Variants in MTAP observed in about 807,000 individuals in gnomAD.
MTAP encodes the protein S-methyl-5'-thioadenosine phosphorylase.
In MTAP, 33 loss-of-function variants were observed where a neutral mutation model predicts 33.6. The observed-to-expected ratio is 0.98, with a 90% confidence interval of 0.74 to 1.31. The LOEUF is 1.31. MTAP is among the 40% of genes most tolerant of loss of function. The pLI is 0.00. For synonymous variants in MTAP, 148 were observed against 125.7 expected (o/e 1.18, Z -1.19); for missense variants, 367 against 360.0 (o/e 1.02, Z -0.16).
At chr9:21,836,543 T>G (rs948490982) in intron 4 of MTAP, among the ~76,000 whole-genome samples, 7 of 152,144 alleles carry the variant, frequency 4.6e-5, no homozygotes, top group African/African-American at 1.7e-4. Flanking sequence ...TGCTAATGCT[T>G]GACTCATCAA....
chr9:21,916,751 G>T (rs950247255), intron 1 of MTAP, among the ~76,000 whole-genome samples: 7 of 152,120 alleles, frequency 4.6e-5, no homozygotes, highest in African/African-American at 1.7e-4. Context: ...TAGAAAAGAA[G>T]AACCTACATC....
chr9:21,848,203 C>G (rs572585899), intron 5 of MTAP, among the ~76,000 whole-genome samples: 1 of 152,284 alleles, frequency 6.6e-6, no homozygotes, highest in African/African-American at 2.4e-5. Flanking sequence ...ACCCCTAAGA[C>G]TCCCATTTGC....
Position 21,865,512 on chromosome 9 carries a change from A to G in MTAP, c.*3498A>G, listed in dbSNP as rs917712966. The G allele has an allele frequency of 3.0e-6, 3 of 985,520 alleles. No individual in the cohort carries two copies. The highest frequency in any genetic ancestry group is 1.1e-4 in the East Asian group (1 of 8,828). 61.0% of individuals were successfully genotyped at this position (985,520 alleles called of 1,614,324 possible). Reference sequence around the variant, plus strand: ...GTGCACACAATCTGGCTCAATGTATATATTGGCCCAGCAAGGCAAAGAACT... The same window carrying G: ...GTGCACACAATCTGGCTCAATGTATGTATTGGCCCAGCAAGGCAAAGAACT... On this transcript the variant is annotated 3_prime_UTR_variant, in exon 8 of 8. Transcript: ENST00000644715.
chr9:21,924,023 A>G (rs1192679465), intron 1 of MTAP, among the ~76,000 whole-genome samples: 1 of 152,170 alleles, frequency 6.6e-6, no homozygotes, highest in South Asian at 2.1e-4. Flanking sequence ...GGTACCTGGT[A>G]AGACCGGTTT....
At chr9:21,886,081 A>G (rs2118725988) in intron 1 of MTAP, among the ~76,000 whole-genome samples, 1 of 151,738 alleles carries the variant, frequency 6.6e-6, no homozygotes, top group South Asian at 2.1e-4. Context: ...GCCCACCAGC[A>G]ATGTAAAAGT....
chr9:21,842,764 A>C (rs1236119582), intron 5 of MTAP, among the ~76,000 whole-genome samples: 1 of 152,230 alleles, frequency 6.6e-6, no homozygotes. Context: ...AGGAGTTCTA[A>C]ATCTTGAAAC....
At chr9:21,939,964 C>T (rs1412918249), downstream of MTAP, among the ~76,000 whole-genome samples, 6 of 151,858 alleles carry the variant, frequency 4.0e-5, no homozygotes, top group Admixed American at 3.3e-4. Context: ...AATAGAATAT[C>T]ATACTTAAAA....
At position 21,865,518 on chromosome 9, in the gene MTAP, G is replaced by A. The variant is rs1354284204; in HGVS notation, c.*3504G>A. ...ACAATCTGGCTCAATGTATATATTGGCCCAGCAAGGCAAAGAACTGAAGTT... is the reference window on the plus strand; with the variant it reads ...ACAATCTGGCTCAATGTATATATTGACCCAGCAAGGCAAAGAACTGAAGTT... On this transcript the variant is annotated 3_prime_UTR_variant, in exon 8 of 8. Coordinates refer to ENST00000644715, the MANE Select transcript of MTAP (RefSeq NM_002451.4). 5 of 985,436 alleles carry A rather than the reference G, an allele frequency of 5.1e-6. No individual in the cohort carries two copies. In the East Asian group the frequency reaches 4.5e-4, roughly 89 times the overall value. The allele number at this position is 985,436 out of a possible 1,614,324, so 61.0% of individuals were successfully genotyped here.
At chr9:21,821,439 G>C (rs530259429) in intron 4 of MTAP, among the ~76,000 whole-genome samples, 6 of 152,176 alleles carry the variant, frequency 3.9e-5, no homozygotes, top group Non-Finnish European at 5.9e-5. Flanking sequence ...ATTGATTTGC[G>C]TATGTTGAAC....
intron 1 of MTAP, among the ~76,000 whole-genome samples, chr9:21,907,602 T>C (rs1818496186): frequency 6.6e-6 from 1 of 151,912 alleles, no homozygotes; most frequent in South Asian, 2.1e-4. Context: ...AAACCAAAGC[T>C]AGCAATGTGT....
At chr9:21,911,213 A>T in intron 1 of MTAP, among the ~76,000 whole-genome samples, 1 of 152,210 alleles carries the variant, frequency 6.6e-6, no homozygotes, top group Non-Finnish European at 1.5e-5. Flanking sequence ...TCAACATTAG[A>T]CAGATCAATG....
chr9:21,807,491 T>C (rs1824237701), intron 1 of MTAP, among the ~76,000 whole-genome samples: 1 of 152,156 alleles, frequency 6.6e-6, no homozygotes, highest in African/African-American at 2.4e-5. Flanking sequence ...GCAGGACAAT[T>C]ATTTCTTTTG....
intron 1 of MTAP, among the ~76,000 whole-genome samples, chr9:21,873,882 G>A (rs1825969814): frequency 6.6e-6 from 1 of 152,028 alleles, no homozygotes; most frequent in South Asian, 2.1e-4. Flanking sequence ...CATGTTCTTG[G>A]TTTAATAATC....
At chr9:21,820,609 G>A (rs1824609720) in intron 4 of MTAP, among the ~76,000 whole-genome samples, 1 of 152,184 alleles carries the variant, frequency 6.6e-6, no homozygotes, top group Non-Finnish European at 1.5e-5. Flanking sequence ...GCTTAGGATT[G>A]TCTTGGCAAT....
At chr9:21,829,062 C>G (rs1366239916) in intron 4 of MTAP, among the ~76,000 whole-genome samples, 1 of 152,170 alleles carries the variant, frequency 6.6e-6, no homozygotes, top group Non-Finnish European at 1.5e-5. Context: ...TTAATGCCCT[C>G]TATGTGTTTT....
intron 1 of MTAP, among the ~76,000 whole-genome samples, chr9:21,907,452 G>T (rs1818493721): frequency 6.6e-6 from 1 of 152,236 alleles, no homozygotes; most frequent in African/African-American, 2.4e-5. Flanking sequence ...AGCTACTCAG[G>T]AGGCTGAAGC....
chr9:21,931,999 C>G (rs1344468360), downstream of MTAP: 2 of 152,000 alleles, frequency 1.3e-5, no homozygotes, highest in African/African-American at 2.4e-5. Flanking sequence ...CCACTGCTCT[C>G]CAGCCTGGCA....
chr9:21,918,208 G>A (rs1818724913), intron 1 of MTAP, among the ~76,000 whole-genome samples: 1 of 143,228 alleles, frequency 7.0e-6, no homozygotes, highest in Non-Finnish European at 1.5e-5. Flanking sequence ...AAATTAGCCG[G>A]GCGTAGTGGC....
chr9:21,887,045 C>T (rs1466653939), intron 1 of MTAP, among the ~76,000 whole-genome samples: 1 of 152,118 alleles, frequency 6.6e-6, no homozygotes, highest in Non-Finnish European at 1.5e-5. Context: ...GTCATTTTCA[C>T]AATATTGGTT....
Sources: allele counts gnomAD v4.1 joint callset (sites outside exome capture counted in the v4.1 genomes callset), GRCh38; gene constraint gnomAD v4.1.1; transcripts MANE v1.5; gene names NCBI Gene and HGNC (gene_info 2026-07-23, HGNC 2026-07-21).